The following COL6A6 variants were observed in gnomAD, a reference collection of about 807,000 sequenced individuals.
The protein encoded by COL6A6 is collagen alpha-6(VI) chain.
A neutral mutation model predicts 208.6 loss-of-function variants in COL6A6; 183 were observed. The ratio of observed to expected loss-of-function variants is 0.88; its 90% CI spans 0.78 to 0.99. The LOEUF (loss-of-function observed/expected upper bound fraction) is 0.99, where lower values mean the gene tolerates loss of function less well. Ranked by LOEUF, COL6A6 falls within the 50% of genes least tolerant of loss-of-function variation. The probability of loss-of-function intolerance (pLI) is 0.00; values close to 1 mark genes in which losing one functional copy is unlikely to be tolerated. For synonymous variants in COL6A6, 973 were observed against 1,011.8 expected, an observed-to-expected ratio of 0.96 and a Z score of 0.73; for missense variants, 2,816 against 2,815.2, an observed-to-expected ratio of 1.00 and a Z score of -0.01.
chr3:130,541,862 G>T (rs950371590), intron 1 of COL6A6, among the ~76,000 whole-genome samples: 1 of 152,196 alleles, frequency 6.6e-6, no homozygotes, highest in Non-Finnish European at 1.5e-5. Context: ...GCCTGTTCAG[G>T]TTGTATATTC....
intron 8 of COL6A6, among the ~76,000 whole-genome samples, chr3:130,578,274 G>A (rs1272531567): frequency 6.6e-6 from 1 of 152,148 alleles, no homozygotes. Context: ...TGATTCAAGA[G>A]ATGTGAAAAA....
intron 36 of COL6A6, among the ~76,000 whole-genome samples, chr3:130,673,220 A>AACAAAAAAACC (rs1553724904): frequency 2.3e-5 from 3 of 129,638 alleles, no homozygotes; most frequent in African/African-American, 8.7e-5. Flanking sequence ...AAAAAAACAA[A>AACAAAAAAACC]AAAAAAAAAC....
intron 32 of COL6A6, 129 bp downstream of exon 32, chr3:130,645,131 C>T: frequency 2.4e-6 from 2 of 848,398 alleles, no homozygotes; most frequent in Non-Finnish European, 2.0e-6. Context: ...TTGCTGCTGC[C>T]TCATACTGGT....
intron 8 of COL6A6, 51 bp downstream of exon 8, chr3:130,574,576 C>T: frequency 6.9e-7 from 1 of 1,450,054 alleles, no homozygotes. Flanking sequence ...TCTTCTCTGG[C>T]ATTTTCTTCC....
chr3:130,534,509 A>T (rs12494489), intron 1 of COL6A6, among the ~76,000 whole-genome samples: 1 of 151,948 alleles, frequency 6.6e-6, no homozygotes, highest in Admixed American at 6.6e-5. Context: ...CTGTATTTTC[A>T]TTAATTTCTT....
Position 130,665,023 on chromosome 3 carries a change from C to G in COL6A6, c.6523C>G (p.Pro2175Ala). 1.2e-6 allele frequency: 2 copies of G among 1,605,154 alleles called. No individual in the cohort carries two copies. Among genetic ancestry groups the G allele is most frequent in the Non-Finnish European group, 1.7e-6 (2 of 1,175,194 alleles). Residue 2175 changes from proline (P) to alanine (A), a missense_variant, in exon 36 of 37, where the codon CCA (proline) becomes GCA (alanine). Pro to Ala is a conservative substitution (Grantham distance 27). Coordinates refer to ENST00000358511, the MANE Select transcript of COL6A6 (RefSeq NM_001102608.3). ...TCTAGGTGCAATCAACAAATATCCA[C>G]CAATAAACTTAAAAATAAAGTGCAA... ...SIRRAINKYPPINLKIKCNRL... is the reference protein window; with the variant it reads ...SIRRAINKYPAINLKIKCNRL...
intron 1 of COL6A6, among the ~76,000 whole-genome samples, chr3:130,540,222 G>A (rs1307414886): frequency 1.3e-5 from 2 of 152,098 alleles, no homozygotes; most frequent in Non-Finnish European, 2.9e-5. Context: ...ACAGCAAAAC[G>A]GAGCTGAAGG....
chr3:130,602,209 A>G (rs1341699847), intron 20 of COL6A6, among the ~76,000 whole-genome samples: 2 of 152,216 alleles, frequency 1.3e-5, no homozygotes. Flanking sequence ...TCTAAACATC[A>G]GTAGTAGAAG....
chr3:130,604,481 C>T lies in COL6A6; in HGVS notation c.4654-2450C>T, dbSNP rs375847916. The stretch of plus-strand genomic sequence containing the variant: ...CTGCACTCCAGTCTGGGCGACAGAG[C>T]GAGACTCCGTCTCAAAAAAAAAAAA... On this transcript the variant is annotated intron_variant, in intron 20 of 36. Transcript: ENST00000358511. Among the ~76,000 whole-genome samples, 587 of 142,272 alleles carry T rather than the reference C, an allele frequency of 4.1e-3. 6 individuals are homozygous for T. The highest frequency in any genetic ancestry group is 0.015 in the African/African-American group (546 of 37,516). 93.3% of individuals were successfully genotyped at this position (142,272 alleles called of 152,430 possible).
chr3:130,617,119 G>A (rs1261126935), intron 23 of COL6A6, among the ~76,000 whole-genome samples: 2 of 152,152 alleles, frequency 1.3e-5, no homozygotes, highest in Non-Finnish European at 2.9e-5. Context: ...TAATCAACAA[G>A]TTTCATCATT....
intron 8 of COL6A6, among the ~76,000 whole-genome samples, chr3:130,576,084 T>C (rs1298568995): frequency 3.9e-5 from 6 of 152,274 alleles, no homozygotes; most frequent in South Asian, 2.1e-4. Context: ...CCATATCAGC[T>C]CCATGGTCAA....
intron 8 of COL6A6, among the ~76,000 whole-genome samples, chr3:130,577,413 A>G (rs1560017693): frequency 6.6e-6 from 1 of 152,222 alleles, no homozygotes; most frequent in Non-Finnish European, 1.5e-5. Context: ...ATAAAGAACT[A>G]ATATCTAAGT....
intron 23 of COL6A6, 99 bp from the exon 24 acceptor site, chr3:130,621,720 CTT>C (rs1249684396): frequency 1.1e-6 from 1 of 946,596 alleles, no homozygotes; most frequent in Non-Finnish European, 1.6e-6. Flanking sequence ...AGCCATAACT[CTT>C]CTCTCGTCTG....
At chr3:130,664,050 G>A (rs2066007217) in intron 35 of COL6A6, among the ~76,000 whole-genome samples, 1 of 152,140 alleles carries the variant, frequency 6.6e-6, no homozygotes, top group Non-Finnish European at 1.5e-5. Flanking sequence ...ATCAAGGAGT[G>A]ACCAAAACAG....
At chr3:130,671,924 AAC>A (rs1386992109) in intron 36 of COL6A6, among the ~76,000 whole-genome samples, 1 of 152,246 alleles carries the variant, frequency 6.6e-6, no homozygotes, top group Non-Finnish European at 1.5e-5. Context: ...GCCAGGGAAG[AAC>A]CTGTGCCAGA....
At chr3:130,618,318 G>A in intron 23 of COL6A6, among the ~76,000 whole-genome samples, 1 of 152,086 alleles carries the variant, frequency 6.6e-6, no homozygotes, top group South Asian at 2.1e-4. Context: ...CAGTAAATGG[G>A]GTTAATAACA....
rs941052860 is a variant in COL6A6, at chr3:130,649,417, C to G, written c.5588C>G (p.Thr1863Arg). The change falls in exon 33 of 37, where the codon ACG (threonine) becomes AGG (arginine). Residue 1863 changes from threonine (T) to arginine (R), a missense_variant. Transcript: ENST00000358511. The part of the protein sequence containing the change: ...VFKRTLPGAH[T>R]RKIATFFSSG... ...AAGCGGACGCTTCCGGGGGCACACACGAGAAAAATCGCCACATTTTTCAGC... is the reference window on the plus strand; with the variant it reads ...AAGCGGACGCTTCCGGGGGCACACAGGAGAAAAATCGCCACATTTTTCAGC... 2 of 1,613,044 alleles carry G rather than the reference C, an allele frequency of 1.2e-6. No individual in the cohort carries two copies. Among genetic ancestry groups the G allele is most frequent in the Admixed American group, 1.7e-5 (1 of 59,928 alleles).
Position 130,581,342 on chromosome 3 carries a change from G to A in COL6A6, c.3548-219G>A, listed in dbSNP as rs143082040. Among the ~76,000 whole-genome samples, 1,392 of 152,226 alleles carry A rather than the reference G, an allele frequency of 9.1e-3. 19 individuals carry two copies. Among genetic ancestry groups the A allele is most frequent in the African/African-American group, 0.03 (1,259 of 41,532 alleles). On this transcript the variant is annotated intron_variant, in intron 8 of 36. Coordinates refer to ENST00000358511, the MANE Select transcript of COL6A6 (RefSeq NM_001102608.3). ...TCAGAACTTCATTATAGAATCATCA[G>A]ATTTTATATGACCTGAAAAAATAAT...
chr3:130,662,354 G>A, intron 35 of COL6A6, 46 bp downstream of exon 35: 2 of 1,535,402 alleles, frequency 1.3e-6, no homozygotes, highest in Non-Finnish European at 1.8e-6. Flanking sequence ...GAATATACTT[G>A]GTATTACTAA....
Sources: gnomAD v4.1 joint callset for allele counts (sites outside exome capture counted in the v4.1 genomes callset) on GRCh38, gnomAD v4.1.1 for gene constraint, MANE v1.5 for transcripts, NCBI Gene and HGNC (gene_info 2026-07-23, HGNC 2026-07-21) for gene names.